The following TANGO6 variants were observed in gnomAD, a reference collection of about 807,000 sequenced individuals.
The protein encoded by TANGO6 is transport and golgi organization 6 homolog.
TANGO6 carries 90 observed loss-of-function variants against 114.2 expected under a neutral mutation model. The observed-to-expected ratio is 0.79, with a 90% confidence interval of 0.66 to 0.94. The LOEUF (loss-of-function observed/expected upper bound fraction) is 0.94. Among genes scored for constraint, TANGO6 ranks in the 40% least tolerant of loss-of-function variants. TANGO6 has a pLI of 0.00. For synonymous variants in TANGO6, 477 were observed against 509.8 expected (o/e 0.94, Z 0.87); for missense variants, 1,274 against 1,315.3 (o/e 0.97, Z 0.49).
intron 17 of TANGO6, among the ~76,000 whole-genome samples, chr16:69,059,014 T>C (rs1163353419): frequency 6.6e-6 from 1 of 151,664 alleles, no homozygotes; most frequent in African/African-American, 2.4e-5. Context: ...TCTAAGTGAT[T>C]CTCCTTCCTC....
intron 14 of TANGO6, among the ~76,000 whole-genome samples, chr16:68,952,160 C>T (rs988385051): frequency 6.6e-6 from 1 of 152,126 alleles, no homozygotes; most frequent in East Asian, 1.9e-4. Context: ...GGTCTAAGTA[C>T]CTTCCCTGCA....
At chr16:68,893,643 C>T (rs1472784260) in intron 7 of TANGO6, among the ~76,000 whole-genome samples, 1 of 147,592 alleles carries the variant, frequency 6.8e-6, no homozygotes, top group East Asian at 2.0e-4. Context: ...GGCTGAGTCA[C>T]GAGAATTGGT....
intron 1 of TANGO6, among the ~76,000 whole-genome samples, chr16:68,857,174 C>T (rs905845657): frequency 2.0e-5 from 3 of 152,160 alleles, no homozygotes; most frequent in Admixed American, 2.0e-4. Flanking sequence ...TCCCTGATCT[C>T]TTGGCTACTC....
chr16:68,900,327 T>G, intron 7 of TANGO6, 107 bp from the exon 8 acceptor site: 77 of 810,706 alleles, frequency 9.5e-5, no homozygotes, highest in Non-Finnish European at 1.4e-4. Context: ...GTGATTCGGA[T>G]GAGATATTGC....
rs751880665 is a variant in TANGO6 at position 68,843,572 on chromosome 16, G to A, written c.-46G>A. 3 of 1,587,626 alleles carry A rather than the reference G, an allele frequency of 1.9e-6. No individual in the cohort carries two copies. Among genetic ancestry groups the A allele is most frequent in the Middle Eastern group, 1.7e-4 (1 of 5,906 alleles). On this transcript the variant is annotated 5_prime_UTR_variant, in exon 1 of 18. Coordinates refer to ENST00000261778, the MANE Select transcript of TANGO6 (RefSeq NM_024562.2). ...CTTAACATGGCGGCGGCGGCGCCCT[G>A]CCGAGGCGCCTGAGCGGGTCGCGAG...
chr16:68,875,011 T>C (rs1043826148), intron 4 of TANGO6, 143 bp from the exon 5 acceptor site: 3 of 720,670 alleles, frequency 4.2e-6, no homozygotes, highest in Non-Finnish European at 6.2e-6. Context: ...TATAGAAGGG[T>C]AGATTATCTT....
chr16:69,009,237 A>G (rs1258994326), intron 15 of TANGO6, among the ~76,000 whole-genome samples: 1 of 151,626 alleles, frequency 6.6e-6, no homozygotes, highest in Admixed American at 6.6e-5. Context: ...ACACGCCACC[A>G]TGCCCAGCTA....
chr16:68,872,544 C>A (rs972672293), intron 4 of TANGO6, among the ~76,000 whole-genome samples: 1 of 151,828 alleles, frequency 6.6e-6, no homozygotes, highest in Non-Finnish European at 1.5e-5. Flanking sequence ...TCAGGTGATC[C>A]GCCCGCCTTG....
At chr16:69,020,110 T>A (rs547341533) in intron 15 of TANGO6, among the ~76,000 whole-genome samples, 10 of 152,280 alleles carry the variant, frequency 6.6e-5, no homozygotes, top group African/African-American at 2.4e-4. Context: ...ATATATTTTT[T>A]ATACAGAAAA....
chr16:69,070,131 C>T (rs1358924170), intron 17 of TANGO6, among the ~76,000 whole-genome samples: 1 of 151,662 alleles, frequency 6.6e-6, no homozygotes, highest in East Asian at 1.9e-4. Context: ...TCACTTGAAC[C>T]CAGGAAGCGG....
intron 17 of TANGO6, among the ~76,000 whole-genome samples, chr16:69,065,309 T>C (rs1309689779): frequency 6.6e-6 from 1 of 152,198 alleles, no homozygotes; most frequent in African/African-American, 2.4e-5. Flanking sequence ...CACAGTTAGG[T>C]GTTGGGAGTT....
intron 11 of TANGO6, among the ~76,000 whole-genome samples, chr16:68,914,490 A>G (rs931918339): frequency 1.3e-5 from 2 of 152,226 alleles, no homozygotes; most frequent in Non-Finnish European, 2.9e-5. Flanking sequence ...TAAACAGTTT[A>G]TTATTAAACC....
At chr16:69,050,334 T>C (rs1054137753) in intron 17 of TANGO6, among the ~76,000 whole-genome samples, 4 of 152,090 alleles carry the variant, frequency 2.6e-5, no homozygotes, top group African/African-American at 9.7e-5. Flanking sequence ...GATGTTGAGC[T>C]TGTTAGGTTT....
chr16:68,932,343 G>A (rs1277644558), intron 14 of TANGO6, among the ~76,000 whole-genome samples: 1 of 151,868 alleles, frequency 6.6e-6, no homozygotes, highest in Non-Finnish European at 1.5e-5. Context: ...CACCCGCCTC[G>A]GCCTCCCAAA....
At chr16:68,858,767 G>A (rs1962041236) in intron 1 of TANGO6, among the ~76,000 whole-genome samples, 1 of 152,070 alleles carries the variant, frequency 6.6e-6, no homozygotes, top group South Asian at 2.1e-4. Flanking sequence ...ACAGATGTCA[G>A]CCACTGTGCC....
At chr16:68,900,895 G>A (rs190954542) in intron 8 of TANGO6, among the ~76,000 whole-genome samples, 44 of 152,348 alleles carry the variant, frequency 2.9e-4, no homozygotes, top group African/African-American at 1.0e-3. Flanking sequence ...TAATGACCTT[G>A]TGGGGAGTTA....
In TANGO6 at chr16:68,878,484, T is replaced by C. The variant is rs369974784; in HGVS notation, c.1294+204T>C. Among the ~76,000 whole-genome samples the C allele has an allele frequency of 5.3e-5, 8 of 152,290 alleles. No homozygotes were observed. In the East Asian group the frequency reaches 1.2e-3, roughly 22 times the overall value. On this transcript the variant is annotated intron_variant, in intron 6 of 17. Coordinates refer to ENST00000261778, the MANE Select transcript of TANGO6 (RefSeq NM_024562.2). ...ATACAGATCACCTAGACCGAATAAC[T>C]TTACATTTTGGCCACATTTATTTTA...
chr16:68,846,502 CTTTT>C, intron 1 of TANGO6: 2 of 310,796 alleles, frequency 6.4e-6, no homozygotes, highest in Non-Finnish European at 6.2e-6. Flanking sequence ...ACGATTCTTT[CTTTT>C]TTTTTTTTAG....
intron 7 of TANGO6, among the ~76,000 whole-genome samples, chr16:68,895,674 A>G (rs971811187): frequency 1.5e-4 from 23 of 152,334 alleles, no homozygotes; most frequent in African/African-American, 5.1e-4. Context: ...GAACAGTTGA[A>G]GAGTAAATAT....
Sources: gnomAD v4.1 joint callset for allele counts (sites outside exome capture counted in the v4.1 genomes callset) on GRCh38, gnomAD v4.1.1 for gene constraint, MANE v1.5 for transcripts, NCBI Gene and HGNC (gene_info 2026-07-23, HGNC 2026-07-21) for gene names.